The following IGSF21 variants were observed in gnomAD, a reference collection of about 807,000 sequenced individuals.
IGSF21 encodes the protein immunoglobin superfamily member 21.
IGSF21 carries 28 observed loss-of-function variants against 46.8 expected under a neutral mutation model. That is an observed-to-expected ratio of 0.60 (90% CI 0.44 to 0.82). IGSF21 has a LOEUF of 0.82. Among genes scored for constraint, IGSF21 ranks in the 40% least tolerant of loss-of-function variants. The pLI, the probability that IGSF21 is intolerant of heterozygous loss-of-function variation, is 0.00. For missense variants in IGSF21, 624 were observed against 665.5 expected (o/e 0.94, Z 0.69); for synonymous variants, 284 against 273.6 (o/e 1.04, Z -0.38).
At chr1:18,251,058 C>T (rs980552929) in intron 2 of IGSF21, among the ~76,000 whole-genome samples, 18 of 151,958 alleles carry the variant, frequency 1.2e-4, no homozygotes, top group African/African-American at 4.4e-4. Flanking sequence ...GCATGCCAGG[C>T]AGAGAGGGTA....
intron 1 of IGSF21, among the ~76,000 whole-genome samples, chr1:18,193,046 C>A (rs1357666027): frequency 6.6e-6 from 1 of 151,788 alleles, no homozygotes; most frequent in African/African-American, 2.4e-5. Context: ...GACAAGCACA[C>A]CAAGTTCATG....
intron 1 of IGSF21, among the ~76,000 whole-genome samples, chr1:18,212,736 C>T (rs1337566221): frequency 2.0e-5 from 3 of 151,822 alleles, no homozygotes; most frequent in Non-Finnish European, 4.4e-5. Flanking sequence ...ACTGCAAAGA[C>T]AGCCATGGGC....
At chr1:18,321,019 C>T (rs567342030) in intron 3 of IGSF21, among the ~76,000 whole-genome samples, 1 of 152,352 alleles carries the variant, frequency 6.6e-6, no homozygotes, top group South Asian at 2.1e-4. Flanking sequence ...AGTGCTCTGG[C>T]ATGCTGCCTG....
intron 1 of IGSF21, among the ~76,000 whole-genome samples, chr1:18,157,927 G>C (rs535040764): frequency 3.9e-5 from 6 of 152,128 alleles, no homozygotes; most frequent in Non-Finnish European, 7.3e-5. Context: ...ACTAGACTGC[G>C]AGCTTCCTGA....
chr1:18,377,910 C>A (rs1315023144), intron 9 of IGSF21, among the ~76,000 whole-genome samples: 1 of 152,216 alleles, frequency 6.6e-6, no homozygotes, highest in African/African-American at 2.4e-5. Flanking sequence ...ATCCCCCAAC[C>A]TGCTCTAGCC....
At chr1:18,242,126 C>T (rs925813498) in intron 2 of IGSF21, among the ~76,000 whole-genome samples, 3 of 152,216 alleles carry the variant, frequency 2.0e-5, no homozygotes, top group Admixed American at 2.0e-4. Context: ...CTGTCAACGT[C>T]AAATGAGGAC....
At chr1:18,276,741 C>A (rs1387360535) in intron 2 of IGSF21, among the ~76,000 whole-genome samples, 2 of 152,114 alleles carry the variant, frequency 1.3e-5, no homozygotes, top group African/African-American at 4.8e-5. Context: ...ACTGGGGTTT[C>A]TGTTTTTAAT....
intron 3 of IGSF21, among the ~76,000 whole-genome samples, chr1:18,301,026 T>C (rs1442403783): frequency 6.6e-6 from 1 of 152,190 alleles, no homozygotes; most frequent in Non-Finnish European, 1.5e-5. Context: ...GGCTGAAGGG[T>C]TGTATTCCAA....
intron 1 of IGSF21, among the ~76,000 whole-genome samples, chr1:18,126,382 C>A (rs878855445): frequency 7.9e-5 from 12 of 152,122 alleles, no homozygotes; most frequent in Non-Finnish European, 1.8e-4. Context: ...TTGGTTCCAC[C>A]CTCCTTTCCT....
intron 1 of IGSF21, among the ~76,000 whole-genome samples, chr1:18,215,469 G>A (rs2084434835): frequency 6.6e-6 from 1 of 152,230 alleles, no homozygotes; most frequent in African/African-American, 2.4e-5. Flanking sequence ...CCAGATTTGG[G>A]AATGCTGGGC....
At chr1:18,286,566 G>C (rs968586439) in intron 2 of IGSF21, among the ~76,000 whole-genome samples, 1 of 152,210 alleles carries the variant, frequency 6.6e-6, no homozygotes, top group African/African-American at 2.4e-5. Context: ...AATGCTGGGA[G>C]CTTTAAGAAA....
At chr1:18,341,252 C>T (rs1392111042) in intron 4 of IGSF21, among the ~76,000 whole-genome samples, 1 of 151,758 alleles carries the variant, frequency 6.6e-6, no homozygotes, top group Non-Finnish European at 1.5e-5. Flanking sequence ...AGACACTGTG[C>T]CCACCTCAAC....
intron 1 of IGSF21, 147 bp from the exon 2 acceptor site, chr1:18,227,749 CCA>C (rs2084582970): frequency 1.6e-6 from 1 of 634,126 alleles, no homozygotes; most frequent in Non-Finnish European, 2.9e-6. Flanking sequence ...TTCACAGAAA[CCA>C]CAGTGTGAAC....
rs79174408 is a variant in IGSF21 at position 18,353,975 on chromosome 1, G to T, written c.425-8140G>T. 5.1e-3 allele frequency among the ~76,000 whole-genome samples: 771 copies of T among 152,338 alleles called. 5 individuals carry two copies. Among genetic ancestry groups the T allele is most frequent in the African/African-American group, 0.017 (723 of 41,566 alleles). Reference sequence around the variant, plus strand: ...GAAATTGAACTCCTATTGCATGGCTGGTCGACACTAGCTCTGAGGCTAGGT... The same window carrying T: ...GAAATTGAACTCCTATTGCATGGCTTGTCGACACTAGCTCTGAGGCTAGGT... On this transcript the variant is annotated intron_variant, in intron 4 of 9. Coordinates refer to ENST00000251296, the MANE Select transcript of IGSF21 (RefSeq NM_032880.5).
intron 1 of IGSF21, among the ~76,000 whole-genome samples, chr1:18,195,607 A>G (rs2086999122): frequency 6.6e-6 from 1 of 152,100 alleles, no homozygotes; most frequent in Non-Finnish European, 1.5e-5. Flanking sequence ...CTCTGGAATG[A>G]ATTCCATTCT....
chr1:18,183,180 A>G (rs2086873017), intron 1 of IGSF21, among the ~76,000 whole-genome samples: 1 of 152,158 alleles, frequency 6.6e-6, no homozygotes, highest in South Asian at 2.1e-4. Flanking sequence ...GCACGATCTT[A>G]CCTTGCCCTG....
rs55887200 is a variant in IGSF21, at chr1:18,349,894, T to TAA, written c.425-12212_425-12211dup. Among the ~76,000 whole-genome samples the TAA allele has an allele frequency of 2.3e-3, 341 of 148,654 alleles. 3 individuals are homozygous for TAA. The highest frequency in any genetic ancestry group is 6.6e-3 in the African/African-American group (266 of 40,468). On this transcript the variant is annotated intron_variant, in intron 4 of 9. Transcript: ENST00000251296. ...GACAACATAGGGAGACCCCATCTCT[T>TAA]AAAAAAAAAACCACTAAATTACAAA...
intron 2 of IGSF21, among the ~76,000 whole-genome samples, chr1:18,254,019 C>T (rs777313459): frequency 5.9e-5 from 9 of 152,162 alleles, no homozygotes; most frequent in African/African-American, 1.7e-4. Context: ...TCAGGAACTG[C>T]GCTAAGCATT....
chr1:18,130,881 G>T (rs2086314496), intron 1 of IGSF21, among the ~76,000 whole-genome samples: 1 of 152,184 alleles, frequency 6.6e-6, no homozygotes, highest in Admixed American at 6.5e-5. Flanking sequence ...GTCCCTGTTG[G>T]CCCCCCTGCT....
Sources: allele counts gnomAD v4.1 joint callset (sites outside exome capture counted in the v4.1 genomes callset), GRCh38; gene constraint gnomAD v4.1.1; transcripts MANE v1.5; gene names NCBI Gene and HGNC (gene_info 2026-07-23, HGNC 2026-07-21).